WDR91: variants seen among roughly 807,000 people sequenced by gnomAD.
The protein encoded by WDR91 is WD repeat domain 91, also known as WD repeat-containing protein 91.
In WDR91, 52 loss-of-function variants were observed where a neutral mutation model predicts 88.4. The observed-to-expected ratio is 0.59, with a 90% CI of 0.47 to 0.74. WDR91 has a LOEUF of 0.74. Among genes scored for constraint, WDR91 ranks in the 30% least tolerant of loss-of-function variants. The pLI is 0.00. For missense variants in WDR91, 824 were observed against 954.5 expected (o/e 0.86, Z 1.80); for synonymous variants, 362 against 389.5 (o/e 0.93, Z 0.83).
chr7:135,191,001 A>T (rs181380084), intron 11 of WDR91, among the ~76,000 whole-genome samples: 3 of 152,352 alleles, frequency 2.0e-5, no homozygotes, highest in Admixed American at 2.0e-4. Context: ...AACTTCAAAA[A>T]AATTAATTTC....
chr7:135,189,220 T>C (rs971288006), intron 12 of WDR91, 124 bp downstream of exon 12: 1 of 712,370 alleles, frequency 1.4e-6, no homozygotes, highest in Non-Finnish European at 2.4e-6. Context: ...CTGTAGTACA[T>C]GCATCTGAAG....
chr7:135,188,464 T>C lies in WDR91; in HGVS notation c.1850A>G (p.Asn617Ser). 1 of 1,614,142 alleles carries C rather than the reference T, an allele frequency of 6.2e-7. No individual in the cohort carries two copies. The highest frequency in any genetic ancestry group is 8.5e-7 in the Non-Finnish European group (1 of 1,180,008). Residue 617 changes from asparagine (N) to serine (S), a missense_variant, in exon 13 of 15, where the codon AAC becomes AGC. Physicochemically the swap from Asn to Ser is conservative, Grantham distance 46 (BLOSUM62 1). Transcript: ENST00000354475. ...VYSVEFSYDE[N>S]TVYSIGEDGK... is the part of the protein sequence containing the mutation. ...GTCCTCGCCGATGCTGTACACGGTG[T>C]TCTCATCATAGCTGAACTCCACAGA...
chr7:135,209,033 A>T (rs1374031471), intron 2 of WDR91, 35 bp from the exon 3 acceptor site: 1 of 1,591,734 alleles, frequency 6.3e-7, no homozygotes, highest in Non-Finnish European at 8.6e-7. Context: ...AGGAGGGAGG[A>T]GAGACAGAAA....
chr7:135,205,890 A>G (rs1238675710), intron 5 of WDR91, 38 bp downstream of exon 5: 16 of 1,611,422 alleles, frequency 9.9e-6, no homozygotes, highest in Non-Finnish European at 1.4e-5. Context: ...GAGAGCACAG[A>G]GGGCAAAGAA....
At chr7:135,209,462 C>G in intron 2 of WDR91, 114 bp downstream of exon 2, 1 of 1,046,450 alleles carries the variant, frequency 9.6e-7, no homozygotes, top group Non-Finnish European at 1.3e-6. Context: ...GTAACTGCTG[C>G]ACTCTTTCCC....
At chr7:135,207,905 G>A (rs1309580631) in intron 3 of WDR91, among the ~76,000 whole-genome samples, 1 of 152,148 alleles carries the variant, frequency 6.6e-6, no homozygotes, top group Non-Finnish European at 1.5e-5. Context: ...TTCACTGGAG[G>A]GCCCACAAAG....
At chr7:135,195,220 C>G (rs1316870748) in intron 8 of WDR91, 136 bp from the exon 9 acceptor site, 9 of 839,656 alleles carry the variant, frequency 1.1e-5, no homozygotes, top group Non-Finnish European at 1.6e-5. Context: ...ATTCAAAGGA[C>G]TGGTATAGAC....
At chr7:135,204,002 C>T (rs527902527) in intron 6 of WDR91, among the ~76,000 whole-genome samples, 12 of 152,264 alleles carry the variant, frequency 7.9e-5, no homozygotes, top group Non-Finnish European at 1.0e-4. Context: ...AGAATGCATT[C>T]GGTGGATTTT....
chr7:135,188,349 A>G, intron 13 of WDR91, 84 bp downstream of exon 13: 1 of 1,092,004 alleles, frequency 9.2e-7, no homozygotes, highest in Non-Finnish European at 1.4e-6. Flanking sequence ...CAGGTTGCAG[A>G]GCTAGTAACA....
intron 14 of WDR91, 60 bp from the exon 15 acceptor site, chr7:135,186,375 C>A (rs1020387323): frequency 1.3e-6 from 2 of 1,557,738 alleles, no homozygotes; most frequent in South Asian, 2.4e-5. Flanking sequence ...CACACTTGAT[C>A]CACTTTCAGT....
rs745637800 is a variant in WDR91 at position 135,188,444 on chromosome 7, C to T, written c.1870G>A (p.Glu624Lys). The change falls in exon 13 of 15, where the codon GAG (glutamate) becomes AAG (lysine). Residue 624 changes from glutamate (E) to lysine (K), a missense_variant. Coordinates refer to ENST00000354475, the MANE Select transcript of WDR91 (RefSeq NM_014149.4). The part of the protein sequence containing the change: ...YDENTVYSIG[E>K]DGKFIQWNIH... ...CTGCAGCCGCCTACCTTCCCGTCCT[C>T]GCCGATGCTGTACACGGTGTTCTCA... 16 of 1,613,918 alleles carry T rather than the reference C, an allele frequency of 9.9e-6. No individual in the cohort carries two copies. The highest frequency in any genetic ancestry group is 4.5e-5 in the East Asian group (2 of 44,884).
chr7:135,187,348 G>A (rs1425857873), intron 13 of WDR91, among the ~76,000 whole-genome samples, 179 bp from the exon 14 acceptor site: 1 of 152,238 alleles, frequency 6.6e-6, no homozygotes, highest in Admixed American at 6.5e-5. Context: ...TGGGTGAGAG[G>A]TCTACAGGTC....
intron 4 of WDR91, 58 bp from the exon 5 acceptor site, chr7:135,206,116 G>A (rs1005754202): frequency 5.6e-6 from 9 of 1,611,486 alleles, no homozygotes; most frequent in Admixed American, 1.7e-5. Flanking sequence ...CCTCTGCGGA[G>A]GAAGATTTCT....
intron 9 of WDR91, among the ~76,000 whole-genome samples, chr7:135,194,385 G>C (rs1276623692): frequency 6.6e-6 from 1 of 152,088 alleles, no homozygotes; most frequent in Non-Finnish European, 1.5e-5. Context: ...AGAAAAACAG[G>C]GTTTGCATCT....
chr7:135,192,470 A>C (rs1199276444), intron 11 of WDR91, among the ~76,000 whole-genome samples: 1 of 152,110 alleles, frequency 6.6e-6, no homozygotes, highest in African/African-American at 2.4e-5. Flanking sequence ...GAAAATTATG[A>C]GGGGAGGGAT....
At chr7:135,191,123 G>A (rs1831148212) in intron 11 of WDR91, among the ~76,000 whole-genome samples, 1 of 152,190 alleles carries the variant, frequency 6.6e-6, no homozygotes, top group South Asian at 2.1e-4. Flanking sequence ...TAATGTCCCG[G>A]TCTCAGCAAA....
At chr7:135,187,967 C>A (rs1017394848) in intron 13 of WDR91, among the ~76,000 whole-genome samples, 5 of 152,226 alleles carry the variant, frequency 3.3e-5, no homozygotes, top group African/African-American at 1.2e-4. Flanking sequence ...GAGGCAGTCA[C>A]TATTCCTAGT....
intron 3 of WDR91, among the ~76,000 whole-genome samples, chr7:135,207,540 G>A (rs958803066): frequency 3.9e-5 from 6 of 152,228 alleles, no homozygotes; most frequent in African/African-American, 1.4e-4. Context: ...GCCAGTCTGA[G>A]CTTTAGTGAG....
In WDR91 at chr7:135,193,231, C is replaced by T. The variant is rs1266750419; in HGVS notation, c.1659G>A (p.Gln553=). Residue 553 remains glutamine, a splice_region_variant and synonymous_variant, in exon 11 of 15, where the codon CAG becomes CAA. Transcript: ENST00000354475. ...LLWDTKTMKQ[Q]LQFSLDPEPI... ...AGAGAGCCACAGGGCAGGCCCGTAC[C>T]TGCTGCTTCATGGTTTTCGTGTCCC... 4.3e-6 allele frequency: 7 copies of T among 1,613,666 alleles called. No individual in the cohort carries two copies. The highest frequency in any genetic ancestry group is 1.7e-4 in the Middle Eastern group (1 of 5,742).
Sources: gnomAD v4.1 joint callset for allele counts (sites outside exome capture counted in the v4.1 genomes callset) on GRCh38, gnomAD v4.1.1 for gene constraint, MANE v1.5 for transcripts, NCBI Gene and HGNC (gene_info 2026-07-23, HGNC 2026-07-21) for gene names.